Variants in PCDH11X observed in about 807,000 individuals in gnomAD.
The protein encoded by PCDH11X is protocadherin 11 X-linked.
PCDH11X carries 18 observed loss-of-function variants against 53.3 expected under a neutral mutation model. That is an observed-to-expected ratio of 0.34 (90% CI 0.23 to 0.50). The LOEUF is 0.50. PCDH11X is among the 20% of genes least tolerant of loss of function. The probability of loss-of-function intolerance (pLI) is 0.98; values close to 1 mark genes in which losing one functional copy is unlikely to be tolerated. For synonymous variants in PCDH11X, 279 were observed against 393.3 expected (o/e 0.71, Z 3.44); for missense variants, 570 against 1,032.4 (o/e 0.55, Z 6.14).
chrX:91,951,292 G>A (rs751566760), intron 6 of PCDH11X, among the ~76,000 whole-genome samples: 66 of 110,305 alleles, frequency 6.0e-4, no homozygotes, highest in African/African-American at 2.0e-3. Flanking sequence ...TATTACAGCA[G>A]GACAGGAGGT....
At chrX:92,258,389 A>G (rs768184171) in intron 7 of PCDH11X, among the ~76,000 whole-genome samples, 1 of 97,547 alleles carries the variant, frequency 1.0e-5, no homozygotes, top group East Asian at 3.1e-4. Context: ...TTTTTTTGAG[A>G]CAGAGTCTTG....
At chrX:91,934,632 T>A (rs1317972470) in intron 6 of PCDH11X, among the ~76,000 whole-genome samples, 1 of 105,040 alleles carries the variant, frequency 9.5e-6, no homozygotes, top group East Asian at 3.1e-4. Context: ...ATGGAAATAG[T>A]TTAAATTAGA....
At chrX:92,444,905 T>A (rs182019538) in intron 9 of PCDH11X, among the ~76,000 whole-genome samples, 2 of 94,780 alleles carry the variant, frequency 2.1e-5, no homozygotes, top group Admixed American at 1.2e-4. Context: ...TCATGAATAA[T>A]GCCTATTCAA....
intron 6 of PCDH11X, among the ~76,000 whole-genome samples, chrX:91,984,223 G>A (rs1373877133): frequency 3.0e-5 from 3 of 100,253 alleles, no homozygotes; most frequent in Non-Finnish European, 4.0e-5. Flanking sequence ...ATATCACTCC[G>A]GAGGTTTTCA....
At chrX:92,375,468 G>A (rs757012790) in intron 8 of PCDH11X, among the ~76,000 whole-genome samples, 1,289 of 101,024 alleles carry the variant, frequency 0.013, 23 homozygotes, top group African/African-American at 0.045. Context: ...GTGAGCCACC[G>A]AACCTGGCCC....
At chrX:92,221,920 G>A (rs1451291509) in intron 7 of PCDH11X, among the ~76,000 whole-genome samples, 1 of 109,860 alleles carries the variant, frequency 9.1e-6, no homozygotes, top group Non-Finnish European at 1.9e-5. Context: ...TGCAATCTCC[G>A]CCTCCTGGGT....
chrX:91,969,513 C>T (rs781716303), intron 6 of PCDH11X, among the ~76,000 whole-genome samples: 10 of 110,994 alleles, frequency 9.0e-5, no homozygotes, highest in African/African-American at 3.0e-4. Flanking sequence ...GAAGGATCAT[C>T]ATAGGCTAGA....
intron 5 of PCDH11X, among the ~76,000 whole-genome samples, chrX:91,854,178 G>T (rs766976197): frequency 7.2e-5 from 8 of 111,024 alleles, no homozygotes; most frequent in African/African-American, 2.0e-4. Flanking sequence ...CTAGCCTCTG[G>T]TAACCACCTT....
chrX:92,120,620 G>A (rs972697733), intron 6 of PCDH11X, among the ~76,000 whole-genome samples: 4 of 112,101 alleles, frequency 3.6e-5, no homozygotes, highest in African/African-American at 1.3e-4. Context: ...TATTTTTATT[G>A]TGACATCATA....
At chrX:92,230,461 AAT>A (rs2067049785) in intron 7 of PCDH11X, among the ~76,000 whole-genome samples, 1 of 91,557 alleles carries the variant, frequency 1.1e-5, no homozygotes. Flanking sequence ...TAATTTATAA[AAT>A]ATATATTATA....
intron 6 of PCDH11X, among the ~76,000 whole-genome samples, chrX:92,032,531 G>C (rs1214160567): frequency 9.0e-6 from 1 of 110,826 alleles, no homozygotes; most frequent in African/African-American, 3.3e-5. Flanking sequence ...AATAACAATG[G>C]TTAAAGTGGG....
At chrX:92,418,874 G>T (rs1603306137) in intron 9 of PCDH11X, among the ~76,000 whole-genome samples, 1 of 104,902 alleles carries the variant, frequency 9.5e-6, no homozygotes. Flanking sequence ...TTTCTAGTTT[G>T]TAGTATTTAA....
At chrX:92,439,555 G>C (rs1309587353) in intron 9 of PCDH11X, among the ~76,000 whole-genome samples, 1 of 109,887 alleles carries the variant, frequency 9.1e-6, no homozygotes, top group African/African-American at 3.3e-5. Context: ...AAGTGATTGA[G>C]TTTATAAATC....
intron 6 of PCDH11X, among the ~76,000 whole-genome samples, chrX:91,930,280 G>A (rs1713823973): frequency 9.2e-6 from 1 of 108,873 alleles, no homozygotes; most frequent in Non-Finnish European, 1.9e-5. Flanking sequence ...AAATTTGGAA[G>A]CATACCTGAT....
chrX:92,199,314 T>C (rs2066350387), intron 6 of PCDH11X, among the ~76,000 whole-genome samples: 1 of 112,212 alleles, frequency 8.9e-6, no homozygotes, highest in African/African-American at 3.2e-5. Flanking sequence ...CTGAGCACTA[T>C]CTTAATATGA....
At chrX:92,019,749 C>G (rs2062854149) in intron 6 of PCDH11X, among the ~76,000 whole-genome samples, 1 of 112,031 alleles carries the variant, frequency 8.9e-6, no homozygotes, top group Non-Finnish European at 1.9e-5. Flanking sequence ...CCCACAGCAA[C>G]AATTTAAAAA....
intron 10 of PCDH11X, among the ~76,000 whole-genome samples, chrX:92,536,111 T>C (rs921264057): frequency 9.1e-6 from 1 of 109,414 alleles, no homozygotes; most frequent in Non-Finnish European, 1.9e-5. Flanking sequence ...TTTTTTTCTC[T>C]GTTTTGTCTG....
At chrX:92,067,831 G>A (rs140132821) in intron 6 of PCDH11X, among the ~76,000 whole-genome samples, 9,597 of 110,734 alleles carry the variant, frequency 0.087, 881 homozygotes, top group African/African-American at 0.27. Context: ...TTAGAGCTTC[G>A]ATCTTGTTAC....
In PCDH11X at chrX:91,929,468, A is replaced by G. The variant is rs1179141245; in HGVS notation, c.3033+50195A>G. On this transcript the variant is annotated intron_variant, in intron 6 of 10. Coordinates refer to ENST00000682573, the MANE Select transcript of PCDH11X (RefSeq NM_032968.5). ...AAGGAAATCGAAGCCCAAAAATGCT[A>G]AGTAAATTGCCAAGATCACCAGCCT... Among the ~76,000 whole-genome samples the G allele has an allele frequency of 2.7e-5, 3 of 110,382 alleles. No homozygotes were observed. The Admixed American group carries it at 2.9e-4, about 11-fold the overall frequency.
Sources: allele counts gnomAD v4.1 joint callset (sites outside exome capture counted in the v4.1 genomes callset), GRCh38; gene constraint gnomAD v4.1.1; transcripts MANE v1.5; gene names NCBI Gene and HGNC (gene_info 2026-07-23, HGNC 2026-07-21).